Variants in FMN1 observed in about 807,000 individuals in gnomAD.
The protein encoded by FMN1 is formin-1.
In FMN1, 110 loss-of-function variants were observed where a neutral mutation model predicts 132.4. That is an observed-to-expected ratio of 0.83 (90% CI 0.71 to 0.97). The LOEUF (loss-of-function observed/expected upper bound fraction) is 0.97, where lower values mean the gene tolerates loss of function less well. Among genes scored for constraint, FMN1 ranks in the 50% least tolerant of loss-of-function variants. The pLI is 0.00. For synonymous variants in FMN1, 722 were observed against 651.7 expected, an observed-to-expected ratio of 1.11 and a Z score of -1.64; for missense variants, 1,792 against 1,705.3, an observed-to-expected ratio of 1.05 and a Z score of -0.90.
intron 9 of FMN1, among the ~76,000 whole-genome samples, chr15:32,947,072 T>C (rs1243854442): frequency 6.6e-6 from 1 of 152,160 alleles, no homozygotes; most frequent in African/African-American, 2.4e-5. Flanking sequence ...GTAGTCACAT[T>C]TCATTATTTG....
At chr15:32,839,660 TG>T (rs1227678705) in intron 17 of FMN1, among the ~76,000 whole-genome samples, 1 of 151,804 alleles carries the variant, frequency 6.6e-6, no homozygotes, top group African/African-American at 2.4e-5. Flanking sequence ...TGACAGACTG[TG>T]GAAATCAATA....
In FMN1 at chr15:33,033,179, C is replaced by T. The variant is rs570952974; in HGVS notation, c.2162-25104G>A. 1.7e-4 allele frequency among the ~76,000 whole-genome samples: 26 copies of T among 152,116 alleles called. No individual in the cohort carries two copies. In the South Asian group the frequency reaches 3.5e-3, roughly 21 times the overall value. ...CCGAGTAGCTGGGACTACAGGTGCC[C>T]GCCACCACACGCGGCTAATTTTTTG... On this transcript the variant is annotated intron_variant, in intron 6 of 20. Coordinates refer to ENST00000616417, the MANE Select transcript of FMN1 (RefSeq NM_001277313.2).
intron 9 of FMN1, 93 bp downstream of exon 9, chr15:32,964,014 G>GACACAC (rs1555505885): frequency 1.5e-5 from 5 of 342,570 alleles, no homozygotes; most frequent in Non-Finnish European, 2.4e-5. Flanking sequence ...GTGTATATAC[G>GACACAC]ATACACACAC....
chr15:32,968,632 T>C (rs1567479970), intron 8 of FMN1, 82 bp downstream of exon 8: 1 of 1,581,246 alleles, frequency 6.3e-7, no homozygotes, highest in Non-Finnish European at 8.6e-7. Flanking sequence ...ACTATGGAGA[T>C]ATTGACCCGG....
At chr15:33,105,655 T>C (rs1329725500) in intron 4 of FMN1, 4 of 152,190 alleles carry the variant, frequency 2.6e-5, no homozygotes, top group African/African-American at 9.6e-5. Flanking sequence ...ATGTACTGTT[T>C]GGATATCTAA....
chr15:33,118,404 A>AAAAATGGAGATCATGGCTTCAAAT (rs1348258455), intron 4 of FMN1, among the ~76,000 whole-genome samples: 11 of 152,226 alleles, frequency 7.2e-5, no homozygotes, highest in African/African-American at 1.2e-4. Context: ...AACAAACCAG[A>AAAAATGGAGATCATGGCTTCAAAT]AAAATGGAGA....
At chr15:32,818,320 C>G (rs976060277) in intron 17 of FMN1, among the ~76,000 whole-genome samples, 1 of 151,830 alleles carries the variant, frequency 6.6e-6, no homozygotes, top group Non-Finnish European at 1.5e-5. Flanking sequence ...AAAAATTAGC[C>G]TTTATTTCAA....
chr15:32,830,476 A>C (rs1016493560), intron 17 of FMN1, among the ~76,000 whole-genome samples: 1 of 152,178 alleles, frequency 6.6e-6, no homozygotes, highest in Non-Finnish European at 1.5e-5. Context: ...GCTTTTATGA[A>C]GGAATTCCAT....
chr15:32,788,608 T>C (rs1300796093), intron 19 of FMN1, among the ~76,000 whole-genome samples: 1 of 152,192 alleles, frequency 6.6e-6, no homozygotes, highest in Non-Finnish European at 1.5e-5. Context: ...AGCCCCCTGT[T>C]GCATCTCTGC....
At chr15:33,193,570 C>T (rs1345302191) in intron 2 of FMN1, among the ~76,000 whole-genome samples, 1 of 152,130 alleles carries the variant, frequency 6.6e-6, no homozygotes, top group African/African-American at 2.4e-5. Flanking sequence ...TCCACCTGGT[C>T]TTCTTAAAGG....
intron 12 of FMN1, among the ~76,000 whole-genome samples, chr15:32,906,376 C>A (rs769928716): frequency 1.3e-5 from 2 of 152,200 alleles, no homozygotes; most frequent in Non-Finnish European, 2.9e-5. Flanking sequence ...ACATGAAATT[C>A]AAATTTCAGT....
At chr15:32,950,791 C>CACAA (rs1370346608) in intron 9 of FMN1, among the ~76,000 whole-genome samples, 1 of 152,114 alleles carries the variant, frequency 6.6e-6, no homozygotes, top group Admixed American at 6.5e-5. Flanking sequence ...ACCCCCATGA[C>CACAA]ACAACTTTAT....
intron 11 of FMN1, among the ~76,000 whole-genome samples, 169 bp from the exon 12 acceptor site, chr15:32,908,747 A>C (rs986614200): frequency 3.3e-5 from 5 of 151,766 alleles, no homozygotes; most frequent in Admixed American, 2.6e-4. Flanking sequence ...CACCCTAGAC[A>C]CAAGAACTTG....
chr15:32,810,638 T>C (rs570588271), intron 17 of FMN1, among the ~76,000 whole-genome samples: 90 of 152,330 alleles, frequency 5.9e-4, no homozygotes, highest in African/African-American at 1.9e-3. Flanking sequence ...CCGAAGTTTT[T>C]ATTCTCAAGA....
intron 4 of FMN1, among the ~76,000 whole-genome samples, chr15:33,144,731 AC>A (rs1039897217): frequency 5.3e-5 from 8 of 152,162 alleles, no homozygotes; most frequent in African/African-American, 1.7e-4. Context: ...GCCTTAAAAA[AC>A]AAGCAGCAAA....
intron 4 of FMN1, among the ~76,000 whole-genome samples, chr15:33,118,487 G>T (rs1187163159): frequency 6.6e-6 from 1 of 152,088 alleles, no homozygotes; most frequent in Non-Finnish European, 1.5e-5. Context: ...CCTTAATGCT[G>T]AAATTAATTA....
At chr15:33,115,508 ACACACG>A (rs1566929012) in intron 4 of FMN1, among the ~76,000 whole-genome samples, 157 of 134,864 alleles carry the variant, frequency 1.2e-3, no homozygotes, top group African/African-American at 4.1e-3. Context: ...CCCCCCACAC[ACACACG>A]CACACACACA....
chr15:33,031,493 C>T (rs1483113631), intron 6 of FMN1, among the ~76,000 whole-genome samples: 1 of 152,204 alleles, frequency 6.6e-6, no homozygotes, highest in Non-Finnish European at 1.5e-5. Context: ...TCATCCCCAC[C>T]CACAGGTTTT....
In FMN1 at chr15:33,088,927, G is replaced by A. The variant is rs1313222339; in HGVS notation, c.1915C>T (p.Pro639Ser). ...FPWDGFNEQT[P>S]KDLPNRDGGA... ...CCATCTCTGTTGGGAAGGTCTTTAGGTGTCTGCTCATTGAAGCCGTCCCAG... is the reference window on the plus strand; with the variant it reads ...CCATCTCTGTTGGGAAGGTCTTTAGATGTCTGCTCATTGAAGCCGTCCCAG... The change falls in exon 5 of 21, where the codon CCT (proline) becomes TCT (serine). Residue 639 changes from proline to serine, a missense_variant. This residue lies in a region of FMN1 where 1,150 missense variants were observed against 1,043.1 expected (regional missense o/e 1.10). Transcript: ENST00000616417. The A allele has an allele frequency of 5.2e-6, 8 of 1,535,714 alleles. No homozygotes were observed. The highest frequency in any genetic ancestry group is 7.0e-6 in the Non-Finnish European group (8 of 1,146,812).
Sources: allele counts gnomAD v4.1 joint callset (sites outside exome capture counted in the v4.1 genomes callset), GRCh38; gene constraint gnomAD v4.1.1; regional missense constraint gnomAD v4.1.1; transcripts MANE v1.5; gene names NCBI Gene and HGNC (gene_info 2026-07-23, HGNC 2026-07-21).